UNC13C: variants seen among roughly 807,000 people sequenced by gnomAD.
The protein encoded by UNC13C is protein unc-13 homolog C.
UNC13C carries 174 observed loss-of-function variants against 245.4 expected under a neutral mutation model. The observed-to-expected ratio is 0.71, with a 90% CI of 0.63 to 0.80. UNC13C has a LOEUF of 0.80. UNC13C is among the 30% of genes least tolerant of loss of function. The pLI, the probability that UNC13C is intolerant of heterozygous loss-of-function variation, is 0.00. For missense variants in UNC13C, 2,829 were observed against 2,602.9 expected (o/e 1.09, Z -1.89); for synonymous variants, 992 against 895.1 (o/e 1.11, Z -1.93).
At chr15:53,849,154 C>G in the UNC13C span, among the ~76,000 whole-genome samples, 1 of 151,732 alleles carries the variant, frequency 6.6e-6, no homozygotes, top group African/African-American at 2.4e-5. Context: ...GTCTTTTCAT[C>G]TAATATGATA....
Position 54,493,841 on chromosome 15 carries a change from A to G in UNC13C, c.4934-767A>G, listed in dbSNP as rs117441704. Among the ~76,000 whole-genome samples, 5 of 152,248 alleles carry G rather than the reference A, an allele frequency of 3.3e-5. No homozygotes were observed. In the East Asian group the frequency reaches 9.6e-4, roughly 29 times the overall value. Reference sequence around the variant, plus strand: ...ATTTGTCTCTATTCCCCAGCCCTGTATGTCCAGGTCACAATAGCTTAACAA... The same window carrying G: ...ATTTGTCTCTATTCCCCAGCCCTGTGTGTCCAGGTCACAATAGCTTAACAA... On this transcript the variant is annotated intron_variant, in intron 19 of 32. Coordinates refer to ENST00000260323, the MANE Select transcript of UNC13C (RefSeq NM_001080534.3).
At chr15:54,321,573 A>AC in intron 13 of UNC13C, 1 of 391,732 alleles carries the variant, frequency 2.6e-6, no homozygotes. Context: ...GTTCCCCGTC[A>AC]CCCCTCAGAC....
the UNC13C span, among the ~76,000 whole-genome samples, chr15:53,873,869 T>C: frequency 0.025 from 1,469 of 57,936 alleles, 22 homozygotes; most frequent in Non-Finnish European, 0.033. Flanking sequence ...CTCTCTCTCT[T>C]TCTTTCTATC....
intron 31 of UNC13C, 121 bp from the exon 32 acceptor site, chr15:54,623,674 G>C: frequency 1.2e-6 from 1 of 833,392 alleles, no homozygotes; most frequent in South Asian, 1.8e-5. Context: ...TTGGAGTACA[G>C]TGTCTTGTCA....
chr15:53,863,973 T>C, the UNC13C span, among the ~76,000 whole-genome samples: 1 of 152,204 alleles, frequency 6.6e-6, no homozygotes, highest in Non-Finnish European at 1.5e-5. Flanking sequence ...TTGAGGTCCA[T>C]GTTCCATGCT....
intron 4 of UNC13C, among the ~76,000 whole-genome samples, chr15:54,198,181 G>T (rs2034417114): frequency 6.6e-6 from 1 of 152,116 alleles, no homozygotes; most frequent in African/African-American, 2.4e-5. Flanking sequence ...CCCTGCCGAA[G>T]GAGGGGCTGA....
chr15:54,393,734 A>T (rs1374079177), intron 18 of UNC13C, among the ~76,000 whole-genome samples: 1 of 151,912 alleles, frequency 6.6e-6, no homozygotes, highest in Non-Finnish European at 1.5e-5. Flanking sequence ...AGACCGTAAA[A>T]ATCCTCATTT....
intron 29 of UNC13C, among the ~76,000 whole-genome samples, chr15:54,562,877 T>TTCTA (rs1321533138): frequency 1.3e-5 from 2 of 152,024 alleles, no homozygotes; most frequent in Non-Finnish European, 2.9e-5. Flanking sequence ...ACCAGATGTG[T>TTCTA]TCTAACCAAT....
intron 10 of UNC13C, among the ~76,000 whole-genome samples, chr15:54,272,452 G>T (rs1421038530): frequency 6.6e-6 from 1 of 152,124 alleles, no homozygotes. Context: ...TAGATTACCA[G>T]CAGTCTTTTC....
the UNC13C span, among the ~76,000 whole-genome samples, chr15:53,944,425 G>A: frequency 6.6e-6 from 1 of 151,734 alleles, no homozygotes; most frequent in Non-Finnish European, 1.5e-5. Flanking sequence ...CATCCTCAAG[G>A]AGGCCCTTGT....
At chr15:54,247,923 C>G (rs1012598626) in intron 7 of UNC13C, among the ~76,000 whole-genome samples, 2 of 152,058 alleles carry the variant, frequency 1.3e-5, no homozygotes, top group African/African-American at 4.8e-5. Context: ...AATTTTTTAG[C>G]AGAGTTACTT....
chr15:54,365,762 G>GAAAAA (rs796539719), intron 17 of UNC13C, among the ~76,000 whole-genome samples: 1 of 134,012 alleles, frequency 7.5e-6, no homozygotes, highest in African/African-American at 2.7e-5. Context: ...AAGAAAAAAA[G>GAAAAA]AAAAAAAAAA....
chr15:53,843,001 T>C, the UNC13C span, among the ~76,000 whole-genome samples: 1 of 151,756 alleles, frequency 6.6e-6, no homozygotes, highest in African/African-American at 2.4e-5. Flanking sequence ...GCTAAATAAC[T>C]AGAATTTTAC....
the UNC13C span, among the ~76,000 whole-genome samples, chr15:53,867,832 T>A: frequency 6.6e-6 from 1 of 152,156 alleles, no homozygotes; most frequent in Admixed American, 6.5e-5. Context: ...AAATTTTGTT[T>A]TATTTTTTAA....
At chr15:54,251,721 CCT>C (rs891639007) in intron 8 of UNC13C, among the ~76,000 whole-genome samples, 11 of 151,856 alleles carry the variant, frequency 7.2e-5, no homozygotes, top group African/African-American at 2.7e-4. Context: ...AATATTGTGC[CCT>C]CTGTTTGTTG....
intron 27 of UNC13C, 60 bp downstream of exon 27, chr15:54,546,905 T>G: frequency 7.0e-7 from 1 of 1,434,808 alleles, no homozygotes; most frequent in Non-Finnish European, 9.3e-7. Context: ...TTTAAGTGAA[T>G]GGTTTTCATC....
At chr15:54,055,272 G>A (rs1897459492) in intron 2 of UNC13C, among the ~76,000 whole-genome samples, 1 of 152,086 alleles carries the variant, frequency 6.6e-6, no homozygotes, top group African/African-American at 2.4e-5. Context: ...CACTAAATTA[G>A]CTACTTAGGA....
At chr15:53,893,066 G>C in the UNC13C span, among the ~76,000 whole-genome samples, 964 of 152,002 alleles carry the variant, frequency 6.3e-3, 5 homozygotes, top group African/African-American at 0.022. Context: ...GAGTAGACTT[G>C]CTATTCATTT....
chr15:54,083,981 G>A (rs1899098152), intron 2 of UNC13C, among the ~76,000 whole-genome samples: 1 of 152,174 alleles, frequency 6.6e-6, no homozygotes, highest in Non-Finnish European at 1.5e-5. Flanking sequence ...TTTCCAAATC[G>A]CCACGGACAG....
Sources: allele counts gnomAD v4.1 joint callset (sites outside exome capture counted in the v4.1 genomes callset), GRCh38; gene constraint gnomAD v4.1.1; transcripts MANE v1.5; gene names NCBI Gene and HGNC (gene_info 2026-07-23, HGNC 2026-07-21).